PTPRZ1: variants seen among roughly 807,000 people sequenced by gnomAD.
PTPRZ1 encodes the protein receptor-type tyrosine-protein phosphatase zeta.
PTPRZ1 carries 82 observed loss-of-function variants against 214.1 expected under a neutral mutation model. The observed-to-expected ratio is 0.38, with a 90% CI of 0.32 to 0.46. PTPRZ1 has a LOEUF of 0.46. Ranked by LOEUF, PTPRZ1 falls within the 20% of genes least tolerant of loss-of-function variation. The probability of loss-of-function intolerance (pLI) is 1.00; values close to 1 mark genes in which losing one functional copy is unlikely to be tolerated. For synonymous variants in PTPRZ1, 945 were observed against 987.9 expected, an observed-to-expected ratio of 0.96 and a Z score of 0.81; for missense variants, 2,603 against 2,748.7, an observed-to-expected ratio of 0.95 and a Z score of 1.19.
At chr7:122,054,365 AG>A (rs1792285810) in intron 26 of PTPRZ1, among the ~76,000 whole-genome samples, 40 of 152,140 alleles carry the variant, frequency 2.6e-4, no homozygotes, top group Admixed American at 2.6e-3. Flanking sequence ...AAAATGTGTT[AG>A]AATATTTAGA....
At chr7:121,907,248 A>T (rs1020844546) in intron 1 of PTPRZ1, among the ~76,000 whole-genome samples, 8 of 152,126 alleles carry the variant, frequency 5.3e-5, no homozygotes, top group Non-Finnish European at 1.0e-4. Context: ...CTAGAAAATA[A>T]ACTGATTGGC....
At position 121,989,573 on chromosome 7, in the gene PTPRZ1, C is replaced by T. The variant is rs574523930; in HGVS notation, c.928+5456C>T. Reference sequence around the variant, plus strand: ...ATTTTTAGTAGAGACAGGGTTTCGCCATGTTAGTCAGGCTGGTCTTGAACT... The same window carrying T: ...ATTTTTAGTAGAGACAGGGTTTCGCTATGTTAGTCAGGCTGGTCTTGAACT... On this transcript the variant is annotated intron_variant, in intron 8 of 29. Coordinates refer to ENST00000393386, the MANE Select transcript of PTPRZ1 (RefSeq NM_002851.3). Among the ~76,000 whole-genome samples, 4 of 152,200 alleles carry T rather than the reference C, an allele frequency of 2.6e-5. No individual in the cohort carries two copies. In the East Asian group the frequency reaches 5.8e-4, roughly 22 times the overall value.
In PTPRZ1 at chr7:122,012,319, C is replaced by G. The variant is rs1422201782; in HGVS notation, c.3273C>G (p.Ser1091=). The part of the protein sequence containing the change: ...LNASLQETSV[S]ISSTKGMFPG... ...CGTCTTTACAAGAAACCTCTGTTTC[C>G]ATTTCTAGCACCAAGGGCATGTTTC... The change falls in exon 12 of 30, where the codon TCC becomes TCG. Residue 1091 remains serine, a synonymous_variant. Coordinates refer to ENST00000393386, the MANE Select transcript of PTPRZ1 (RefSeq NM_002851.3). 5.0e-6 allele frequency: 8 copies of G among 1,613,898 alleles called. No individual in the cohort carries two copies. Among genetic ancestry groups the G allele is most frequent in the Non-Finnish European group, 5.9e-6 (7 of 1,179,984 alleles).
intron 1 of PTPRZ1, among the ~76,000 whole-genome samples, chr7:121,918,471 A>G (rs898298534): frequency 2.0e-5 from 3 of 152,132 alleles, no homozygotes; most frequent in Admixed American, 1.3e-4. Context: ...CTTGCCTACT[A>G]TGTGTCAACT....
chr7:121,911,724 A>G (rs980974257), intron 1 of PTPRZ1, among the ~76,000 whole-genome samples: 3 of 152,026 alleles, frequency 2.0e-5, no homozygotes, highest in Non-Finnish European at 4.4e-5. Context: ...TACATCTGTC[A>G]TATGATCTAT....
intron 18 of PTPRZ1, among the ~76,000 whole-genome samples, chr7:122,037,192 G>A (rs1277240001): frequency 6.6e-6 from 1 of 151,608 alleles, no homozygotes; most frequent in Non-Finnish European, 1.5e-5. Flanking sequence ...GGAGAATGGC[G>A]TGAACCCGGG....
chr7:122,002,688 C>G (rs546759332), intron 10 of PTPRZ1, among the ~76,000 whole-genome samples: 64 of 152,156 alleles, frequency 4.2e-4, no homozygotes, highest in African/African-American at 1.5e-3. Flanking sequence ...TTATATTTGC[C>G]CATTAAAAGT....
intron 8 of PTPRZ1, among the ~76,000 whole-genome samples, chr7:121,990,550 CTCTT>C (rs1452347582): frequency 9.1e-6 from 1 of 109,982 alleles, no homozygotes; most frequent in Non-Finnish European, 1.7e-5. Context: ...GACAGAGTCT[CTCTT>C]TGTCACCCAG....
At chr7:121,940,783 A>G (rs1040218004) in intron 2 of PTPRZ1, among the ~76,000 whole-genome samples, 1 of 151,100 alleles carries the variant, frequency 6.6e-6, no homozygotes, top group African/African-American at 2.4e-5. Flanking sequence ...TAATTATATG[A>G]TTCTCCCCAT....
At chr7:121,928,362 A>T (rs1264049048) in intron 2 of PTPRZ1, 141 bp downstream of exon 2, 2 of 544,678 alleles carry the variant, frequency 3.7e-6, no homozygotes, top group Non-Finnish European at 6.3e-6. Flanking sequence ...TAATAGATAT[A>T]TAAAATATAA....
At chr7:121,914,604 T>A (rs1400668118) in intron 1 of PTPRZ1, among the ~76,000 whole-genome samples, 2 of 152,152 alleles carry the variant, frequency 1.3e-5, no homozygotes, top group African/African-American at 4.8e-5. Context: ...ATTTAAAGAA[T>A]CAAGTTCATT....
At chr7:121,963,439 G>T (rs1796941090) in intron 2 of PTPRZ1, among the ~76,000 whole-genome samples, 1 of 152,010 alleles carries the variant, frequency 6.6e-6, no homozygotes, top group Non-Finnish European at 1.5e-5. Flanking sequence ...TTGAAATAAT[G>T]AATAAGCATA....
chr7:121,938,996 C>CAA (rs1429400445), intron 2 of PTPRZ1, among the ~76,000 whole-genome samples: 1 of 152,096 alleles, frequency 6.6e-6, no homozygotes, highest in Non-Finnish European at 1.5e-5. Flanking sequence ...TCTACCAGGG[C>CAA]AAAACTTTGA....
At position 122,010,875 on chromosome 7, in the gene PTPRZ1, C is replaced by T; in HGVS notation, c.1829C>T (p.Ser610Phe). Reference protein sequence around the residue: ...SENISQGYIFSSENPETITYD... With the variant: ...SENISQGYIFFSENPETITYD... ...AACATATCCCAAGGGTATATATTTT[C>T]CTCCGAAAACCCAGAGACAATAACA... Residue 610 changes from serine (S) to phenylalanine (F), a missense_variant, in exon 12 of 30, where the codon TCC becomes TTC. Ser to Phe is a radical substitution (Grantham distance 155). Around this residue, in one of 6 missense-constraint regions of PTPRZ1, gnomAD observed 1,913 missense variants for 1,914.3 expected, o/e 1.00. Coordinates refer to ENST00000393386, the MANE Select transcript of PTPRZ1 (RefSeq NM_002851.3). 6.2e-7 allele frequency: 1 copy of T among 1,614,042 alleles called. No individual in the cohort carries two copies. Among genetic ancestry groups the T allele is most frequent in the Non-Finnish European group, 8.5e-7 (1 of 1,180,002 alleles).
In PTPRZ1 at chr7:122,034,023, C is replaced by A; in HGVS notation, c.5167-72C>A. ...TTCCATTGTAAACCTAATATGAACG[C>A]TTTTTTTTCTCATTTGTCGTGTGCT... On this transcript the variant is annotated intron_variant, in intron 15 of 29. Transcript: ENST00000393386. The A allele has an allele frequency of 2.9e-6, 4 of 1,390,526 alleles. No homozygotes were observed. In the South Asian group the frequency reaches 5.0e-5, roughly 18 times the overall value. 86.1% of individuals were successfully genotyped at this position (1,390,526 alleles called of 1,614,324 possible).
chr7:122,019,196 T>A lies in PTPRZ1; in HGVS notation c.4916T>A (p.Ile1639Lys). 6.2e-7 allele frequency: 1 copy of A among 1,611,136 alleles called. No homozygotes were observed. Among genetic ancestry groups the A allele is most frequent in the Non-Finnish European group, 8.5e-7 (1 of 1,177,324 alleles). The change falls in exon 13 of 30, where the codon ATA (isoleucine) becomes AAA (lysine). Residue 1639 changes from isoleucine to lysine, a missense_variant. This residue lies in a region of PTPRZ1 where 1,913 missense variants were observed against 1,914.3 expected (regional missense o/e 1.00). Transcript: ENST00000393386. Reference protein sequence around the residue: ...EGLESEKKAVIPLVIVSALTF... With the variant: ...EGLESEKKAVKPLVIVSALTF... ...TTGGAATCCGAGAAGAAGGCAGTTA[T>A]ACCCCTTGTGATCGTGTCAGCCCTG... is the stretch of plus-strand genomic sequence containing the variant.
intron 21 of PTPRZ1, among the ~76,000 whole-genome samples, chr7:122,042,330 G>T (rs1799756338): frequency 2.0e-5 from 3 of 152,000 alleles, no homozygotes; most frequent in African/African-American, 7.2e-5. Flanking sequence ...TAATAAATAT[G>T]GTTTTTGAAA....
rs199906822 is a variant in PTPRZ1, at chr7:121,968,082, G to T, written c.256G>T (p.Asp86Tyr). Residue 86 changes from aspartate (D) to tyrosine (Y), a missense_variant, in exon 3 of 30, where the codon GAT becomes TAT. Asp to Tyr is a radical substitution (Grantham distance 160). Transcript: ENST00000393386. ...NLKKLKFQGW[D>Y]KTSLENTFIH... ...TAAGAAACTTAAATTTCAGGGTTGG[G>T]ATAAAACATCATTGGAAAACACATT... 4 of 1,606,298 alleles carry T rather than the reference G, an allele frequency of 2.5e-6. No homozygotes were observed. Among genetic ancestry groups the T allele is most frequent in the Non-Finnish European group, 3.4e-6 (4 of 1,176,676 alleles).
chr7:121,942,289 A>G (rs1796258300), intron 2 of PTPRZ1, among the ~76,000 whole-genome samples: 1 of 152,184 alleles, frequency 6.6e-6, no homozygotes, highest in South Asian at 2.1e-4. Context: ...ATTTCAATTC[A>G]CCATTTTCTA....
Sources: gnomAD v4.1 joint callset for allele counts (sites outside exome capture counted in the v4.1 genomes callset) on GRCh38, gnomAD v4.1.1 for gene constraint, gnomAD v4.1.1 regional missense constraint, MANE v1.5 for transcripts, NCBI Gene and HGNC (gene_info 2026-07-23, HGNC 2026-07-21) for gene names.